The following PPFIBP1 variants were observed in gnomAD, a reference collection of about 807,000 sequenced individuals.
The protein encoded by PPFIBP1 is PPFIB scaffold protein 1, also known as liprin-beta-1.
Under a neutral mutation model 137.8 loss-of-function variants are expected in PPFIBP1, and 112 were observed. The observed-to-expected ratio is 0.81, with a 90% CI of 0.70 to 0.95. The LOEUF (loss-of-function observed/expected upper bound fraction) is 0.95, where lower values mean the gene tolerates loss of function less well. Among genes scored for constraint, PPFIBP1 ranks in the 40% least tolerant of loss-of-function variants. PPFIBP1 has a pLI of 0.00. For synonymous variants in PPFIBP1, 378 were observed against 417.3 expected (o/e 0.91, Z 1.15); for missense variants, 1,083 against 1,196.6 (o/e 0.91, Z 1.40).
In PPFIBP1 at chr12:27,672,425, A is replaced by T; in HGVS notation, c.1263-2A>T. On this transcript the variant is annotated splice_acceptor_variant, in intron 14 of 29. Transcript: ENST00000228425. LOFTEE classifies it high-confidence loss of function. ...AAATACCTTTTGTTCTTTACATTTT[A>T]GTGATGGAAACATAATCCTTGGTGC... 3 of 1,603,156 alleles carry T rather than the reference A, an allele frequency of 1.9e-6. No homozygotes were observed. The highest frequency in any genetic ancestry group is 2.6e-6 in the Non-Finnish European group (3 of 1,170,806).
chr12:27,650,107 G>A lies in PPFIBP1; in HGVS notation c.569G>A (p.Arg190Lys). ...AAACTGACAGCTGTAGAGAAGGACAGATTGGATTATGAAGATAAGTTCAGA... is the reference window on the plus strand; with the variant it reads ...AAACTGACAGCTGTAGAGAAGGACAAATTGGATTATGAAGATAAGTTCAGA... ...KLKLTAVEKD[R>K]LDYEDKFRDT... The change falls in exon 7 of 30, where the codon AGA (arginine) becomes AAA (lysine). Residue 190 changes from arginine (R) to lysine (K), a missense_variant. Arg to Lys is a conservative substitution (Grantham distance 26). Transcript: ENST00000228425. 6.2e-7 allele frequency: 1 copy of A among 1,608,858 alleles called. No homozygotes were observed. The highest frequency in any genetic ancestry group is 8.5e-7 in the Non-Finnish European group (1 of 1,175,432).
intron 2 of PPFIBP1, among the ~76,000 whole-genome samples, chr12:27,586,149 G>A (rs2051722730): frequency 1.3e-5 from 2 of 152,206 alleles, no homozygotes; most frequent in African/African-American, 4.8e-5. Flanking sequence ...GCAGTTTGTA[G>A]ATGAGGAAAC....
chr12:27,642,567 A>G (rs2058187960), intron 4 of PPFIBP1, among the ~76,000 whole-genome samples: 2 of 152,216 alleles, frequency 1.3e-5, no homozygotes, highest in African/African-American at 4.8e-5. Flanking sequence ...CTGAGGCAGA[A>G]TATGATGAAA....
chr12:27,689,634 T>G (rs1312229200), intron 27 of PPFIBP1, among the ~76,000 whole-genome samples: 1 of 152,192 alleles, frequency 6.6e-6, no homozygotes, highest in African/African-American at 2.4e-5. Flanking sequence ...CACCACTGTG[T>G]TAAGTCTCTG....
At chr12:27,689,321 C>A in intron 27 of PPFIBP1, 118 bp downstream of exon 27, 1 of 856,494 alleles carries the variant, frequency 1.2e-6, no homozygotes, top group Non-Finnish European at 1.7e-6. Flanking sequence ...TCCTTACCAG[C>A]AGATGCAGGA....
chr12:27,625,930 T>C (rs2056782049), intron 2 of PPFIBP1, among the ~76,000 whole-genome samples: 1 of 152,056 alleles, frequency 6.6e-6, no homozygotes, highest in Non-Finnish European at 1.5e-5. Flanking sequence ...GGTGGGAGGA[T>C]CACTTAAGCC....
At position 27,681,703 on chromosome 12, in the gene PPFIBP1, G is replaced by A. The variant is rs536199260; in HGVS notation, c.2046+7G>A. On this transcript the variant is annotated splice_region_variant and intron_variant, in intron 22 of 29. Transcript: ENST00000228425. Reference sequence around the variant, plus strand: ...TCAACAAGATCTAGAGAAGGTGACTGCTTCTCTGTTTTGTTCACACAATGG... The same window carrying A: ...TCAACAAGATCTAGAGAAGGTGACTACTTCTCTGTTTTGTTCACACAATGG... 5.0e-6 allele frequency: 8 copies of A among 1,613,562 alleles called. No homozygotes were observed. The South Asian group carries it at 7.7e-5, about 16-fold the overall frequency.
At chr12:27,569,796 T>G (rs1184929243) in intron 1 of PPFIBP1, among the ~76,000 whole-genome samples, 1 of 152,126 alleles carries the variant, frequency 6.6e-6, no homozygotes, top group Non-Finnish European at 1.5e-5. Context: ...CCTGACCTCA[T>G]GATCCACCTG....
chr12:27,558,467 T>TACAC (rs10677887), intron 1 of PPFIBP1, among the ~76,000 whole-genome samples: 41,335 of 127,504 alleles, frequency 0.32, 6,374 homozygotes, highest in Non-Finnish European at 0.35. Flanking sequence ...CAGTATGTTA[T>TACAC]ACACACACAC....
In PPFIBP1 at chr12:27,676,608, G is replaced by T; in HGVS notation, c.1582+9G>T. On this transcript the variant is annotated intron_variant, in intron 18 of 29. Transcript: ENST00000228425. ...AAGTGCACCAAACTTAGGTACGTAT[G>T]ACCAAAATGCCTTTGCCCTAATTCT... The T allele has an allele frequency of 1.3e-6, 2 of 1,554,452 alleles. No homozygotes were observed. Among genetic ancestry groups the T allele is most frequent in the South Asian group, 2.4e-5 (2 of 82,410 alleles).
intron 1 of PPFIBP1, among the ~76,000 whole-genome samples, chr12:27,534,781 A>C (rs7971294): frequency 0.17 from 25,688 of 152,194 alleles, 2,410 homozygotes; most frequent in Middle Eastern, 0.26. Flanking sequence ...GGAGTTGTCC[A>C]ACAGAGACAG....
At chr12:27,579,023 G>A (rs928020685) in intron 2 of PPFIBP1, among the ~76,000 whole-genome samples, 3 of 152,210 alleles carry the variant, frequency 2.0e-5, no homozygotes, top group Non-Finnish European at 4.4e-5. Context: ...ATGTCAATAA[G>A]AGATTGGAAC....
intron 1 of PPFIBP1, among the ~76,000 whole-genome samples, chr12:27,534,640 T>C (rs1257929189): frequency 6.6e-6 from 1 of 151,958 alleles, no homozygotes; most frequent in Non-Finnish European, 1.5e-5. Flanking sequence ...CAACCAGACT[T>C]GATGGTTCAC....
intron 5 of PPFIBP1, 22 bp from the exon 6 acceptor site, chr12:27,647,707 C>A: frequency 6.7e-7 from 1 of 1,485,014 alleles, no homozygotes; most frequent in South Asian, 1.3e-5. Flanking sequence ...TCACTCATTG[C>A]ATTATTTTGC....
At position 27,592,681 on chromosome 12, in the gene PPFIBP1, G is replaced by T. The variant is rs879239734; in HGVS notation, c.-36+14442G>T. On this transcript the variant is annotated intron_variant, in intron 2 of 29. Coordinates refer to ENST00000228425, the MANE Select transcript of PPFIBP1 (RefSeq NM_003622.4). ...GTGGGAAGGAGTGTCATCCTTCTCC[G>T]GCTGCTCTGACAGGATTGAGATCTC... 5 of 1,432,238 alleles carry T rather than the reference G, an allele frequency of 3.5e-6. No individual in the cohort carries two copies. The African/African-American group carries it at 5.6e-5, about 16-fold the overall frequency. The allele number at this position is 1,432,238 out of a possible 1,614,324, so 88.7% of individuals were successfully genotyped here.
chr12:27,658,312 G>T (rs1201195469), intron 9 of PPFIBP1, among the ~76,000 whole-genome samples: 3 of 152,096 alleles, frequency 2.0e-5, no homozygotes, highest in Non-Finnish European at 4.4e-5. Flanking sequence ...GAAAGCTCAT[G>T]TCAGGGTGAT....
intron 7 of PPFIBP1, among the ~76,000 whole-genome samples, chr12:27,651,096 A>G (rs1380356549): frequency 2.6e-5 from 4 of 152,192 alleles, no homozygotes. Flanking sequence ...GATACCAGGC[A>G]TTACATACAT....
intron 6 of PPFIBP1, among the ~76,000 whole-genome samples, 166 bp from the exon 7 acceptor site, chr12:27,649,844 G>A (rs2058768428): frequency 6.6e-6 from 1 of 152,200 alleles, no homozygotes; most frequent in Non-Finnish European, 1.5e-5. Context: ...GAGCCACTGT[G>A]CCCAGCCTCA....
chr12:27,632,749 A>T (rs1373650484), intron 2 of PPFIBP1, among the ~76,000 whole-genome samples: 1 of 152,152 alleles, frequency 6.6e-6, no homozygotes, highest in Non-Finnish European at 1.5e-5. Context: ...AGAGCTGTTG[A>T]CTAAGGATTA....
Sources: gnomAD v4.1 joint callset for allele counts (sites outside exome capture counted in the v4.1 genomes callset) on GRCh38, gnomAD v4.1.1 for gene constraint, MANE v1.5 for transcripts, NCBI Gene and HGNC (gene_info 2026-07-23, HGNC 2026-07-21) for gene names.